Variants in TEAD4 observed in about 807,000 individuals in gnomAD.
TEAD4 encodes the protein TEA domain transcription factor 4.
TEAD4 carries 36 observed loss-of-function variants against 52.4 expected under a neutral mutation model. The ratio of observed to expected loss-of-function variants is 0.69; its 90% CI spans 0.53 to 0.91. The LOEUF (loss-of-function observed/expected upper bound fraction) is 0.91, where lower values mean the gene tolerates loss of function less well. TEAD4 is among the 40% of genes least tolerant of loss of function. The pLI is 0.00. For missense variants in TEAD4, 508 were observed against 583.9 expected, an observed-to-expected ratio of 0.87 and a Z score of 1.34; for synonymous variants, 220 against 231.0, an observed-to-expected ratio of 0.95 and a Z score of 0.43.
At chr12:2,993,446 C>G (rs1448021370) in intron 2 of TEAD4, among the ~76,000 whole-genome samples, 1 of 150,270 alleles carries the variant, frequency 6.7e-6, no homozygotes, top group Non-Finnish European at 1.5e-5. Flanking sequence ...CCTCTGCACC[C>G]TGCCGACTAC....
At chr12:3,032,340 C>T (rs1441230417) in intron 10 of TEAD4, among the ~76,000 whole-genome samples, 1 of 152,128 alleles carries the variant, frequency 6.6e-6, no homozygotes, top group Non-Finnish European at 1.5e-5. Context: ...GGACCCAGCG[C>T]GGCCCTCGGC....
Position 3,040,368 on chromosome 12 carries a change from G to C in TEAD4, c.1195G>C (p.Val399Leu). The change falls in exon 13 of 13, where the codon GTC becomes CTC. Residue 399 changes from valine (V) to leucine (L), a missense_variant. Val to Leu is a conservative substitution (Grantham distance 32). Transcript: ENST00000359864. ...CTTGTCTTTTTCTCTCCCACAGGTG[G>C]TCACCAACAGAGACACACAGGAGAC... 3.7e-6 allele frequency: 6 copies of C among 1,614,168 alleles called. No individual in the cohort carries two copies. Among genetic ancestry groups the C allele is most frequent in the Non-Finnish European group, 5.1e-6 (6 of 1,180,032 alleles).
At chr12:2,996,450 C>T (rs2098247257) in intron 3 of TEAD4, among the ~76,000 whole-genome samples, 5 of 151,358 alleles carry the variant, frequency 3.3e-5, no homozygotes, top group African/African-American at 1.2e-4. Flanking sequence ...CTCTTGTTGC[C>T]CAGGCTAGAG....
intron 10 of TEAD4, among the ~76,000 whole-genome samples, chr12:3,022,823 C>T (rs895116363): frequency 2.6e-5 from 4 of 152,132 alleles, no homozygotes; most frequent in African/African-American, 9.7e-5. Flanking sequence ...ATTCTCAGGA[C>T]ACGGACTGAG....
intron 3 of TEAD4, among the ~76,000 whole-genome samples, chr12:2,995,582 C>T (rs7316431): frequency 0.59 from 90,020 of 152,078 alleles, 31,650 homozygotes; most frequent in East Asian, 0.77. Flanking sequence ...TCACCAGAAA[C>T]GGCTTGATCT....
At chr12:2,966,577 A>T (rs1270568605) in intron 2 of TEAD4, among the ~76,000 whole-genome samples, 1 of 149,212 alleles carries the variant, frequency 6.7e-6, no homozygotes, top group Non-Finnish European at 1.5e-5. Context: ...TGCCCAGCTA[A>T]TTTTTTTGTA....
chr12:3,024,559 A>C (rs2098270851), intron 10 of TEAD4, among the ~76,000 whole-genome samples: 1 of 152,122 alleles, frequency 6.6e-6, no homozygotes, highest in Admixed American at 6.5e-5. Flanking sequence ...CAGGAGGCTG[A>C]AGTAGGAGGA....
intron 10 of TEAD4, among the ~76,000 whole-genome samples, chr12:3,023,775 A>G (rs1371064521): frequency 7.0e-6 from 1 of 142,174 alleles, no homozygotes; most frequent in African/African-American, 2.5e-5. Context: ...CCTGGGCAAC[A>G]GAGCGAGACT....
chr12:3,035,206 A>G (rs185578452), intron 10 of TEAD4, among the ~76,000 whole-genome samples: 1 of 152,346 alleles, frequency 6.6e-6, no homozygotes, highest in Admixed American at 6.5e-5. Flanking sequence ...ATTAAGGAAT[A>G]AAAGTGAGTT....
intron 2 of TEAD4, among the ~76,000 whole-genome samples, chr12:2,985,948 A>G (rs1485417698): frequency 6.6e-6 from 1 of 151,626 alleles, no homozygotes; most frequent in African/African-American, 2.4e-5. Context: ...TTAGCCAGGC[A>G]TGGCGGCGGT....
At chr12:3,028,657 G>A (rs961766289) in intron 10 of TEAD4, among the ~76,000 whole-genome samples, 1 of 151,388 alleles carries the variant, frequency 6.6e-6, no homozygotes, top group Admixed American at 6.6e-5. Flanking sequence ...TTTTGAGACA[G>A]TCTTTCTCTG....
intron 3 of TEAD4, among the ~76,000 whole-genome samples, chr12:3,003,306 T>C (rs1257547806): frequency 2.0e-5 from 3 of 152,252 alleles, no homozygotes; most frequent in African/African-American, 7.2e-5. Flanking sequence ...ATATTAACAG[T>C]AATCGCTGAC....
intron 2 of TEAD4, among the ~76,000 whole-genome samples, chr12:2,991,667 A>C (rs926662499): frequency 5.3e-5 from 8 of 151,398 alleles, no homozygotes; most frequent in Non-Finnish European, 8.9e-5. Flanking sequence ...GTCCCCCCAC[A>C]AAAAAAAAGA....
At chr12:3,012,731 G>A (rs2153956749) in intron 5 of TEAD4, among the ~76,000 whole-genome samples, 1 of 152,290 alleles carries the variant, frequency 6.6e-6, no homozygotes, top group African/African-American at 2.4e-5. Context: ...TCTGCTGATA[G>A]GTGATGGCTC....
intron 2 of TEAD4, among the ~76,000 whole-genome samples, chr12:2,968,053 A>C (rs10848757): frequency 0.88 from 131,044 of 148,254 alleles, 59,074 homozygotes; most frequent in Middle Eastern, 0.99. Context: ...CTCTACCCCC[A>C]ACCAGTGATC....
intron 3 of TEAD4, among the ~76,000 whole-genome samples, chr12:3,006,638 C>T (rs1340002076): frequency 2.0e-5 from 3 of 151,664 alleles, no homozygotes; most frequent in East Asian, 1.9e-4. Flanking sequence ...GAGCCAAGAT[C>T]GCGCCATTTC....
chr12:2,975,735 T>C (rs1591558057), intron 2 of TEAD4, among the ~76,000 whole-genome samples: 1 of 152,214 alleles, frequency 6.6e-6, no homozygotes, highest in East Asian at 1.9e-4. Context: ...CTTCTTGGTG[T>C]TGTCCACTCT....
At chr12:2,995,650 G>A (rs2153955468) in intron 3 of TEAD4, among the ~76,000 whole-genome samples, 1 of 152,262 alleles carries the variant, frequency 6.6e-6, no homozygotes, top group East Asian at 1.9e-4. Flanking sequence ...GCATGGGAAG[G>A]ACCAAGCAGT....
intron 2 of TEAD4, among the ~76,000 whole-genome samples, chr12:2,986,412 C>T (rs1490914086): frequency 6.6e-6 from 1 of 151,844 alleles, no homozygotes; most frequent in Non-Finnish European, 1.5e-5. Flanking sequence ...TTGAGACGGG[C>T]CAATCACCAG....
Sources: gnomAD v4.1 joint callset for allele counts (sites outside exome capture counted in the v4.1 genomes callset) on GRCh38, gnomAD v4.1.1 for gene constraint, MANE v1.5 for transcripts, NCBI Gene and HGNC (gene_info 2026-07-23, HGNC 2026-07-21) for gene names.